Variants in ZNF148 observed in about 807,000 individuals in gnomAD.
The protein encoded by ZNF148 is zinc finger protein 148.
Under a neutral mutation model 67.7 loss-of-function variants are expected in ZNF148, and 7 were observed. That is an observed-to-expected ratio of 0.10 (90% CI 0.06 to 0.19). The LOEUF is 0.19. ZNF148 is among the 10% of genes least tolerant of loss of function. ZNF148 has a pLI of 1.00. For synonymous variants in ZNF148, 333 were observed against 330.7 expected (o/e 1.01, Z -0.08); for missense variants, 583 against 947.1 (o/e 0.62, Z 5.05).
At chr3:125,337,709 C>A (rs751270086) in intron 1 of ZNF148, among the ~76,000 whole-genome samples, 1 of 152,180 alleles carries the variant, frequency 6.6e-6, no homozygotes, top group African/African-American at 2.4e-5. Context: ...ACACAACTAT[C>A]TGAGCAAGTA....
chr3:125,288,895 T>C (rs376532111), intron 4 of ZNF148, among the ~76,000 whole-genome samples: 1 of 152,306 alleles, frequency 6.6e-6, no homozygotes, highest in East Asian at 1.9e-4. Flanking sequence ...AACTACATAA[T>C]AGAGAAATAC....
At chr3:125,234,538 C>CT (rs1438109994) in intron 7 of ZNF148, among the ~76,000 whole-genome samples, 1 of 152,116 alleles carries the variant, frequency 6.6e-6, no homozygotes, top group Non-Finnish European at 1.5e-5. Context: ...ATTTTCCTGT[C>CT]TTTTTGTTAT....
chr3:125,344,321 C>G, intron 1 of ZNF148: 1 of 523,804 alleles, frequency 1.9e-6, no homozygotes, highest in Non-Finnish European at 3.5e-6. Context: ...CTGAATGAAA[C>G]AAATCTTGTA....
chr3:125,255,302 A>C (rs952507502), intron 7 of ZNF148, among the ~76,000 whole-genome samples: 1 of 120,666 alleles, frequency 8.3e-6, no homozygotes, highest in African/African-American at 3.3e-5. Context: ...GCTGGAGTGC[A>C]GTGGCACAAT....
chr3:125,242,762 T>G (rs905335592), intron 7 of ZNF148, among the ~76,000 whole-genome samples: 3 of 152,254 alleles, frequency 2.0e-5, no homozygotes, highest in Non-Finnish European at 4.4e-5. Flanking sequence ...CCAACACCAT[T>G]TGTTGAAAAG....
chr3:125,297,738 G>C (rs1034447796), intron 4 of ZNF148, among the ~76,000 whole-genome samples: 1 of 145,514 alleles, frequency 6.9e-6, no homozygotes, highest in Non-Finnish European at 1.5e-5. Flanking sequence ...AAACTTAAAA[G>C]GACTGACAAG....
At chr3:125,373,582 T>C (rs1369450247) in intron 1 of ZNF148, among the ~76,000 whole-genome samples, 1 of 152,086 alleles carries the variant, frequency 6.6e-6, no homozygotes, top group African/African-American at 2.4e-5. Flanking sequence ...TCCAGTCTCC[T>C]AGGTTCCCCT....
At chr3:125,363,623 A>G (rs1205961264) in intron 1 of ZNF148, among the ~76,000 whole-genome samples, 1 of 150,494 alleles carries the variant, frequency 6.6e-6, no homozygotes, top group Non-Finnish European at 1.5e-5. Flanking sequence ...TATTCCCACT[A>G]TGACTACCCA....
intron 7 of ZNF148, among the ~76,000 whole-genome samples, chr3:125,274,571 T>A (rs1437041608): frequency 2.0e-5 from 3 of 152,182 alleles, no homozygotes; most frequent in Non-Finnish European, 4.4e-5. Context: ...ACATTAAAAA[T>A]TTTTCCTTTT....
At chr3:125,261,928 A>C (rs998712772) in intron 7 of ZNF148, among the ~76,000 whole-genome samples, 5 of 151,966 alleles carry the variant, frequency 3.3e-5, no homozygotes, top group South Asian at 2.1e-4. Context: ...AACTCATATA[A>C]GAGAGAAAAC....
At position 125,226,028 on chromosome 3, in the gene ZNF148, G is replaced by C. The variant is rs1396914601; in HGVS notation, c.*6313C>G. On this transcript the variant is annotated 3_prime_UTR_variant, in exon 9 of 9. Transcript: ENST00000360647. ...TGGATGAAAACAAATCTCCACTAATGAAAGAAAAAAGAAAAGAAATCCCAC... is the reference window on the plus strand; with the variant it reads ...TGGATGAAAACAAATCTCCACTAATCAAAGAAAAAAGAAAAGAAATCCCAC... The C allele has an allele frequency of 6.6e-6, 1 of 152,366 alleles. No homozygotes were observed. The highest frequency in any genetic ancestry group is 1.5e-5 in the Non-Finnish European group (1 of 67,966). The allele number at this position is 152,366 out of a possible 1,614,324, so 9.4% of individuals were successfully genotyped here. A position where few individuals can be genotyped will look rare whatever the true frequency, so the allele number is the denominator to read the frequency against.
chr3:125,333,594 T>G (rs896399052), intron 1 of ZNF148, among the ~76,000 whole-genome samples: 3 of 152,130 alleles, frequency 2.0e-5, no homozygotes, highest in African/African-American at 7.2e-5. Flanking sequence ...AAAAGACAGA[T>G]AGAAAATTAC....
chr3:125,272,240 T>C (rs1310479635), intron 7 of ZNF148, among the ~76,000 whole-genome samples: 1 of 152,252 alleles, frequency 6.6e-6, no homozygotes, highest in Non-Finnish European at 1.5e-5. Context: ...GTTGGAAATC[T>C]GACATATGCT....
At chr3:125,277,929 A>G (rs1938159850) in intron 6 of ZNF148, 120 bp from the exon 7 acceptor site, 2 of 657,152 alleles carry the variant, frequency 3.0e-6, no homozygotes, top group Non-Finnish European at 4.8e-6. Flanking sequence ...AAATAGCCAT[A>G]CAAATTTTTA....
chr3:125,282,059 C>T (rs1938419447), intron 5 of ZNF148, among the ~76,000 whole-genome samples: 1 of 152,122 alleles, frequency 6.6e-6, no homozygotes, highest in Admixed American at 6.5e-5. Context: ...CCTAGCTTAC[C>T]ACTTTCTTGT....
chr3:125,316,904 A>G (rs1291144298), intron 3 of ZNF148, among the ~76,000 whole-genome samples: 1 of 152,142 alleles, frequency 6.6e-6, no homozygotes, highest in Non-Finnish European at 1.5e-5. Flanking sequence ...AAAACAATAA[A>G]TATTGAGGAA....
chr3:125,366,679 G>A (rs1034258343), intron 1 of ZNF148, among the ~76,000 whole-genome samples: 19 of 152,116 alleles, frequency 1.2e-4, no homozygotes, highest in Admixed American at 1.2e-3. Flanking sequence ...AGTGTGACAT[G>A]TATTTCTTAC....
At chr3:125,261,826 T>C (rs10622447) in intron 7 of ZNF148, among the ~76,000 whole-genome samples, 347 of 10,534 alleles carry the variant, frequency 0.033, 10 homozygotes, top group African/African-American at 0.059. Context: ...GGTTGACAAG[T>C]TTTTTTTTTT....
chr3:125,257,221 T>A (rs529745513), intron 7 of ZNF148, among the ~76,000 whole-genome samples: 11 of 152,144 alleles, frequency 7.2e-5, no homozygotes, highest in Non-Finnish European at 1.2e-4. Context: ...ACACTGTATA[T>A]GAAAAATTAC....
Sources: allele counts gnomAD v4.1 joint callset (sites outside exome capture counted in the v4.1 genomes callset), GRCh38; gene constraint gnomAD v4.1.1; transcripts MANE v1.5; gene names NCBI Gene and HGNC (gene_info 2026-07-23, HGNC 2026-07-21).